The following MGAT5 variants were observed in gnomAD, a reference collection of about 807,000 sequenced individuals.
The protein encoded by MGAT5 is alpha-1,6-mannosylglycoprotein 6-beta-N-acetylglucosaminyltransferase.
A neutral mutation model predicts 94.3 loss-of-function variants in MGAT5; 30 were observed. That is an observed-to-expected ratio of 0.32 (90% CI 0.24 to 0.43). The LOEUF (loss-of-function observed/expected upper bound fraction) is 0.43, where lower values mean the gene tolerates loss of function less well. Ranked by LOEUF, MGAT5 falls within the 20% of genes least tolerant of loss-of-function variation. The probability of loss-of-function intolerance (pLI) is 1.00; values close to 1 mark genes in which losing one functional copy is unlikely to be tolerated. For synonymous variants in MGAT5, 310 were observed against 322.9 expected (o/e 0.96, Z 0.43); for missense variants, 691 against 905.5 (o/e 0.76, Z 3.04).
intron 2 of MGAT5, among the ~76,000 whole-genome samples, chr2:134,284,273 C>T (rs1684875198): frequency 6.6e-6 from 1 of 152,082 alleles, no homozygotes; most frequent in Non-Finnish European, 1.5e-5. Context: ...TGTCAGGGGT[C>T]AACAAACTGT....
At chr2:134,330,282 T>G (rs1170592001) in intron 4 of MGAT5, among the ~76,000 whole-genome samples, 1 of 152,124 alleles carries the variant, frequency 6.6e-6, no homozygotes, top group Non-Finnish European at 1.5e-5. Context: ...CATGCCTAGT[T>G]ATTTGCAGAG....
intron 1 of MGAT5, among the ~76,000 whole-genome samples, chr2:134,167,044 A>T (rs1687994384): frequency 6.6e-6 from 1 of 152,250 alleles, no homozygotes; most frequent in African/African-American, 2.4e-5. Context: ...CAAAGGATAC[A>T]TTACGAGGAA....
chr2:134,123,721 T>C (rs1685718486), intron 1 of MGAT5, among the ~76,000 whole-genome samples: 1 of 152,040 alleles, frequency 6.6e-6, no homozygotes, highest in African/African-American at 2.4e-5. Flanking sequence ...GGTGAACAGG[T>C]TGATGGGTAG....
At chr2:134,291,117 A>G (rs1320241214) in intron 2 of MGAT5, among the ~76,000 whole-genome samples, 2 of 152,192 alleles carry the variant, frequency 1.3e-5, no homozygotes, top group Non-Finnish European at 2.9e-5. Context: ...GTTAAAAGAG[A>G]AAATTGCCTG....
intron 2 of MGAT5, among the ~76,000 whole-genome samples, chr2:134,271,311 A>G (rs1242777035): frequency 6.6e-6 from 1 of 151,476 alleles, no homozygotes; most frequent in Non-Finnish European, 1.5e-5. Context: ...TGTTAGGGTG[A>G]CCACGATTTT....
In MGAT5 at chr2:134,270,441, G is replaced by A; in HGVS notation, c.297G>A (p.Lys99=). Residue 99 remains lysine, a synonymous_variant, in exon 2 of 16, where the codon AAG becomes AAA. Transcript: ENST00000281923. ...ATAACATTTTGCAGCGCATTGGCAAGTTGGAGTCGAAGGTGGACAATCTTG... is the reference window on the plus strand; with the variant it reads ...ATAACATTTTGCAGCGCATTGGCAAATTGGAGTCGAAGGTGGACAATCTTG... ...LLDNILQRIG[K]LESKVDNLVV... The A allele has an allele frequency of 1.9e-6, 3 of 1,614,240 alleles. No homozygotes were observed. The highest frequency in any genetic ancestry group is 2.5e-6 in the Non-Finnish European group (3 of 1,180,018).
chr2:134,448,265 C>T (rs1685906757), intron 15 of MGAT5, among the ~76,000 whole-genome samples: 1 of 152,202 alleles, frequency 6.6e-6, no homozygotes, highest in Non-Finnish European at 1.5e-5. Flanking sequence ...GGATGACTCT[C>T]CTGCTCCTCT....
chr2:134,131,353 A>G (rs919942569), intron 1 of MGAT5, among the ~76,000 whole-genome samples: 2 of 152,200 alleles, frequency 1.3e-5, no homozygotes, highest in Non-Finnish European at 2.9e-5. Context: ...GTGCAAAGGA[A>G]ACTTGCCCAG....
upstream of MGAT5, among the ~76,000 whole-genome samples, chr2:134,250,156 C>T (rs1279838383): frequency 1.3e-5 from 2 of 152,146 alleles, no homozygotes; most frequent in South Asian, 2.1e-4. Flanking sequence ...GTGATTGCTA[C>T]TCTTTTAGAA....
intron 14 of MGAT5, among the ~76,000 whole-genome samples, chr2:134,435,128 C>T (rs1685099846): frequency 6.6e-6 from 1 of 152,124 alleles, no homozygotes; most frequent in Non-Finnish European, 1.5e-5. Context: ...ATGCAGATCC[C>T]GTCACCCCTC....
At chr2:134,296,218 A>C (rs531784214) in intron 2 of MGAT5, among the ~76,000 whole-genome samples, 1 of 152,090 alleles carries the variant, frequency 6.6e-6, no homozygotes, top group Non-Finnish European at 1.5e-5. Flanking sequence ...AGAATTGGGG[A>C]TGGACACATG....
intron 14 of MGAT5, among the ~76,000 whole-genome samples, chr2:134,438,966 C>G (rs1157234098): frequency 6.6e-6 from 1 of 152,162 alleles, no homozygotes; most frequent in East Asian, 1.9e-4. Context: ...TTCAGTGAAG[C>G]ATTTTGCTCA....
intron 4 of MGAT5, among the ~76,000 whole-genome samples, chr2:134,334,360 T>C (rs1005581440): frequency 1.3e-5 from 2 of 152,088 alleles, no homozygotes; most frequent in African/African-American, 4.8e-5. Context: ...CTCCTCTTAG[T>C]TGATTTTCTT....
intron 1 of MGAT5, among the ~76,000 whole-genome samples, chr2:134,171,395 G>T (rs2105116684): frequency 6.6e-6 from 1 of 152,322 alleles, no homozygotes; most frequent in East Asian, 1.9e-4. Flanking sequence ...GGATTGGTAA[G>T]AGCTTTGGTT....
chr2:134,138,726 C>T (rs981262897), intron 1 of MGAT5, among the ~76,000 whole-genome samples: 10 of 152,122 alleles, frequency 6.6e-5, no homozygotes, highest in African/African-American at 1.2e-4. Flanking sequence ...TTATTTTCAC[C>T]GGACAAACGT....
intron 1 of MGAT5, among the ~76,000 whole-genome samples, chr2:134,248,683 C>G (rs1682417738): frequency 1.8e-5 from 1 of 56,186 alleles, no homozygotes; most frequent in Non-Finnish European, 3.6e-5. Flanking sequence ...GCAGCGCTGT[C>G]CTATGTGAAT....
At chr2:134,407,909 G>C (rs989772091) in intron 11 of MGAT5, among the ~76,000 whole-genome samples, 1 of 152,144 alleles carries the variant, frequency 6.6e-6, no homozygotes, top group Non-Finnish European at 1.5e-5. Context: ...GTCAGTCACA[G>C]TTTAACACCT....
intron 1 of MGAT5, chr2:134,231,175 A>G (rs1046751832): frequency 6.6e-6 from 1 of 152,164 alleles, no homozygotes; most frequent in Non-Finnish European, 1.5e-5. Context: ...TTTGGGTATG[A>G]TAAAATGTTA....
At chr2:134,243,952 T>C (rs893083724) in intron 1 of MGAT5, among the ~76,000 whole-genome samples, 2 of 152,150 alleles carry the variant, frequency 1.3e-5, no homozygotes, top group Non-Finnish European at 2.9e-5. Context: ...GAAATAAGTG[T>C]GGTGATTTTT....
Sources: allele counts gnomAD v4.1 joint callset (sites outside exome capture counted in the v4.1 genomes callset), GRCh38; gene constraint gnomAD v4.1.1; transcripts MANE v1.5; gene names NCBI Gene and HGNC (gene_info 2026-07-23, HGNC 2026-07-21).